The following LEF1 variants were observed in gnomAD, a reference collection of about 807,000 sequenced individuals.
The protein encoded by LEF1 is lymphoid enhancer-binding factor 1.
In LEF1, 14 loss-of-function variants were observed where a neutral mutation model predicts 51.2. The ratio of observed to expected loss-of-function variants is 0.27; its 90% confidence interval spans 0.18 to 0.43. The LOEUF is 0.43. Ranked by LOEUF, LEF1 falls within the 20% of genes least tolerant of loss-of-function variation. LEF1 has a pLI of 1.00. For missense variants in LEF1, 386 were observed against 512.0 expected, an observed-to-expected ratio of 0.75 and a Z score of 2.37; for synonymous variants, 185 against 183.2, an observed-to-expected ratio of 1.01 and a Z score of -0.08.
In LEF1 at chr4:108,165,301, ACG is replaced by A; in HGVS notation, c.214-140_214-139del. 3 of 750,198 alleles carry A rather than the reference ACG, an allele frequency of 4.0e-6. No individual in the cohort carries two copies. In the East Asian group the frequency reaches 7.7e-5, roughly 19 times the overall value. The allele number at this position is 750,198 out of a possible 1,614,324, so 46.5% of individuals were successfully genotyped here. ...CTCTGTTTTATACTCTGAGAGACATACGCTAGTGTTTAGTACTGCATAATCCT... is the reference window on the plus strand; with the variant it reads ...CTCTGTTTTATACTCTGAGAGACATACTAGTGTTTAGTACTGCATAATCCT... On this transcript the variant is annotated intron_variant, in intron 1 of 11. Transcript: ENST00000265165.
intron 3 of LEF1, among the ~76,000 whole-genome samples, chr4:108,158,498 G>A (rs1370178741): frequency 6.6e-6 from 1 of 151,974 alleles, no homozygotes; most frequent in African/African-American, 2.4e-5. Flanking sequence ...CTTTTACCTG[G>A]GAATAAAACA....
intron 5 of LEF1, 107 bp downstream of exon 5, chr4:108,083,249 T>G: frequency 1.3e-6 from 1 of 799,656 alleles, no homozygotes; most frequent in Non-Finnish European, 2.2e-6. Context: ...GATGTGAAAT[T>G]TCTTCAACTC....
intron 5 of LEF1, among the ~76,000 whole-genome samples, chr4:108,082,150 T>C (rs1328253476): frequency 6.6e-6 from 1 of 152,184 alleles, no homozygotes; most frequent in Non-Finnish European, 1.5e-5. Context: ...ATTTCCCCCA[T>C]ATACATGTTA....
chr4:108,087,775 G>A (rs1739747971), intron 4 of LEF1, among the ~76,000 whole-genome samples: 1 of 152,144 alleles, frequency 6.6e-6, no homozygotes, highest in Admixed American at 6.5e-5. Context: ...TGACCCACAG[G>A]TTTCAGTGGC....
intron 3 of LEF1, among the ~76,000 whole-genome samples, chr4:108,099,578 A>G (rs1261799981): frequency 0.029 from 1,298 of 44,326 alleles, 64 homozygotes; most frequent in African/African-American, 0.13. Context: ...GTGTATATAT[A>G]TATATATATA....
chr4:108,140,097 T>G (rs569000365), intron 3 of LEF1, among the ~76,000 whole-genome samples: 1 of 152,152 alleles, frequency 6.6e-6, no homozygotes, highest in Non-Finnish European at 1.5e-5. Flanking sequence ...CAATTTATAT[T>G]CAAAATATCA....
Position 108,148,552 on chromosome 4 carries a change from T to C in LEF1, c.414+15016A>G, listed in dbSNP as rs577031748. ...ATGCCTGCCTCACTCTGCTCAGCTG[T>C]GGATGTTTGCACAAGTGTCTCTCCC... On this transcript the variant is annotated intron_variant, in intron 3 of 11. Transcript: ENST00000265165. Among the ~76,000 whole-genome samples, 199 of 152,310 alleles carry C rather than the reference T, an allele frequency of 1.3e-3. 1 individual carries two copies. The highest frequency in any genetic ancestry group is 4.6e-3 in the African/African-American group (193 of 41,588).
intron 3 of LEF1, among the ~76,000 whole-genome samples, chr4:108,143,322 G>C (rs1045428770): frequency 3.3e-5 from 5 of 152,170 alleles, no homozygotes; most frequent in Non-Finnish European, 5.9e-5. Flanking sequence ...AGCAAAATCA[G>C]CAAGAAAACC....
chr4:108,070,610 A>C, intron 9 of LEF1, 53 bp downstream of exon 9: 1 of 1,218,768 alleles, frequency 8.2e-7, no homozygotes, highest in Non-Finnish European at 1.2e-6. Context: ...TCTTGAACGC[A>C]AAAGAGCGAA....
intron 4 of LEF1, 105 bp from the exon 5 acceptor site, chr4:108,083,551 C>G: frequency 1.5e-6 from 1 of 668,288 alleles, no homozygotes; most frequent in Non-Finnish European, 2.5e-6. Context: ...CAGAATGAAA[C>G]AATATTTATT....
chr4:108,113,399 C>G (rs929633923), intron 3 of LEF1, among the ~76,000 whole-genome samples: 2 of 152,090 alleles, frequency 1.3e-5, no homozygotes, highest in African/African-American at 4.8e-5. Flanking sequence ...ACCTACTGAA[C>G]GACTGTCTTT....
chr4:108,098,643 A>G (rs1740546032), intron 3 of LEF1, among the ~76,000 whole-genome samples: 1 of 152,212 alleles, frequency 6.6e-6, no homozygotes, highest in Non-Finnish European at 1.5e-5. Context: ...TGTCCCACCG[A>G]GCCTTCTCTG....
intron 3 of LEF1, among the ~76,000 whole-genome samples, chr4:108,119,940 G>A (rs1470468831): frequency 1.3e-5 from 2 of 151,822 alleles, no homozygotes; most frequent in East Asian, 1.9e-4. Context: ...TGTTACATGT[G>A]AACATAAATA....
intron 8 of LEF1, 32 bp downstream of exon 8, chr4:108,078,188 C>G (rs1158305118): frequency 6.2e-7 from 1 of 1,606,286 alleles, no homozygotes; most frequent in Admixed American, 1.7e-5. Flanking sequence ...CCATGGCTAC[C>G]ATGAACATTT....
At chr4:108,158,976 T>C (rs1450145666) in intron 3 of LEF1, among the ~76,000 whole-genome samples, 1 of 151,672 alleles carries the variant, frequency 6.6e-6, no homozygotes, top group Non-Finnish European at 1.5e-5. Context: ...TTTTTTTTAG[T>C]GTGTGGTCTT....
At chr4:108,092,941 A>AG (rs1344072979) in intron 3 of LEF1, among the ~76,000 whole-genome samples, 1 of 123,884 alleles carries the variant, frequency 8.1e-6, no homozygotes. Context: ...AAAAAAAAAA[A>AG]AAAAAAAAGA....
intron 7 of LEF1, among the ~76,000 whole-genome samples, chr4:108,078,722 C>T (rs779718662): frequency 1.3e-5 from 2 of 152,288 alleles, no homozygotes; most frequent in Middle Eastern, 6.8e-3. Context: ...AGGCTGAGGA[C>T]TTCTCTGGTC....
At chr4:108,109,668 T>A (rs777365082) in intron 3 of LEF1, among the ~76,000 whole-genome samples, 1 of 152,340 alleles carries the variant, frequency 6.6e-6, no homozygotes, top group South Asian at 2.1e-4. Flanking sequence ...CACTAGATAT[T>A]ACCACTCCCA....
rs949997923 is a variant in LEF1, at chr4:108,168,624, G to C, written c.-857C>G. 2 of 152,180 alleles carry C rather than the reference G, an allele frequency of 1.3e-5. No homozygotes were observed. Among genetic ancestry groups the C allele is most frequent in the Non-Finnish European group, 2.9e-5 (2 of 68,094 alleles). 9.4% of individuals were successfully genotyped at this position (152,180 alleles called of 1,614,324 possible). A position where few individuals can be genotyped will look rare whatever the true frequency, so the allele number is the denominator to read the frequency against. ...CTCGGGGAGTCACAGCGGGGGCCTC[G>C]GGCCCAAATGCCTCTGCCCGGAGCT... On this transcript the variant is annotated 5_prime_UTR_variant, in exon 1 of 12. Coordinates refer to ENST00000265165, the MANE Select transcript of LEF1 (RefSeq NM_016269.5). This position sits in a 1 kb window ranked among gnomAD's most constrained non-coding sequence, Gnocchi z 4.6.
Sources: allele counts gnomAD v4.1 joint callset (sites outside exome capture counted in the v4.1 genomes callset), GRCh38; gene constraint gnomAD v4.1.1; non-coding constraint Gnocchi (gnomAD v3.1); transcripts MANE v1.5; gene names NCBI Gene and HGNC (gene_info 2026-07-23, HGNC 2026-07-21).